Variants in ADGRB3 observed in about 807,000 individuals in gnomAD.
The protein encoded by ADGRB3 is adhesion G protein-coupled receptor B3.
Under a neutral mutation model 193.4 loss-of-function variants are expected in ADGRB3, and 37 were observed. The observed-to-expected ratio is 0.19, with a 90% CI of 0.15 to 0.25. ADGRB3 has a LOEUF of 0.25. ADGRB3 is among the 10% of genes least tolerant of loss of function. The pLI is 1.00. For synonymous variants in ADGRB3, 690 were observed against 644.2 expected (o/e 1.07, Z -1.08); for missense variants, 1,637 against 1,852.9 (o/e 0.88, Z 2.14).
At chr6:69,108,387 GTTTT>G (rs11322639) in intron 17 of ADGRB3, among the ~76,000 whole-genome samples, 1 of 137,944 alleles carries the variant, frequency 7.2e-6, no homozygotes, top group Non-Finnish European at 1.6e-5. Flanking sequence ...CAAGCTTCTT[GTTTT>G]TTTTTTTTTT....
chr6:69,048,437 G>A (rs952228764), intron 14 of ADGRB3, 103 bp downstream of exon 14: 1 of 1,152,610 alleles, frequency 8.7e-7, no homozygotes, highest in African/African-American at 1.6e-5. Context: ...TTTAGAAATA[G>A]TCTGTAATCA....
intron 3 of ADGRB3, among the ~76,000 whole-genome samples, chr6:68,839,520 A>G (rs909955507): frequency 2.0e-5 from 3 of 152,172 alleles, no homozygotes; most frequent in East Asian, 3.9e-4. Flanking sequence ...CAAACTTTAC[A>G]TAGATGTCAC....
chr6:69,314,388 A>G (rs1051442297), intron 20 of ADGRB3, among the ~76,000 whole-genome samples: 1 of 151,616 alleles, frequency 6.6e-6, no homozygotes, highest in Non-Finnish European at 1.5e-5. Flanking sequence ...TTGCTCCCTC[A>G]TTCATCAGTC....
chr6:69,339,111 AC>A, intron 25 of ADGRB3, 97 bp downstream of exon 25: 1 of 1,300,124 alleles, frequency 7.7e-7, no homozygotes, highest in Non-Finnish European at 1.1e-6. Context: ...CTAATACAAG[AC>A]CAGAGAGTAT....
chr6:68,709,225 A>G (rs190159798), intron 3 of ADGRB3, among the ~76,000 whole-genome samples: 1 of 152,218 alleles, frequency 6.6e-6, no homozygotes, highest in African/African-American at 2.4e-5. Flanking sequence ...TATTTCAGCT[A>G]TTTAATAGCG....
chr6:69,005,787 C>A (rs1177143769), intron 11 of ADGRB3, among the ~76,000 whole-genome samples: 1 of 152,152 alleles, frequency 6.6e-6, no homozygotes, highest in Non-Finnish European at 1.5e-5. Context: ...ACCTTGATAT[C>A]CTTGTCCTTC....
chr6:69,297,610 A>G (rs1033635602), intron 20 of ADGRB3, among the ~76,000 whole-genome samples: 1 of 151,986 alleles, frequency 6.6e-6, no homozygotes, highest in Non-Finnish European at 1.5e-5. Flanking sequence ...AGAGGAGAAC[A>G]AAAGATTTCC....
At chr6:69,339,045 A>C in intron 25 of ADGRB3, 31 bp downstream of exon 25, 1 of 1,609,134 alleles carries the variant, frequency 6.2e-7, no homozygotes, top group Non-Finnish European at 8.5e-7. Flanking sequence ...TCTTCTTGTT[A>C]CAAATCTTTT....
chr6:69,205,088 G>T (rs528277247), intron 17 of ADGRB3, among the ~76,000 whole-genome samples: 1 of 152,230 alleles, frequency 6.6e-6, no homozygotes, highest in Non-Finnish European at 1.5e-5. Context: ...TTAGCATATT[G>T]CAAACCCAGC....
At chr6:69,039,536 C>G (rs1582413512) in intron 13 of ADGRB3, among the ~76,000 whole-genome samples, 5 of 151,996 alleles carry the variant, frequency 3.3e-5, no homozygotes, top group Admixed American at 3.3e-4. Flanking sequence ...TCAACTCTGC[C>G]ATTGTAGCAT....
intron 15 of ADGRB3, among the ~76,000 whole-genome samples, chr6:69,061,085 A>T (rs1771734660): frequency 6.6e-6 from 1 of 151,084 alleles, no homozygotes; most frequent in Non-Finnish European, 1.5e-5. Flanking sequence ...AAAAAAAAAG[A>T]CTGTTAACCA....
At chr6:68,917,324 A>G (rs1766909287) in intron 3 of ADGRB3, among the ~76,000 whole-genome samples, 2 of 152,242 alleles carry the variant, frequency 1.3e-5, no homozygotes, top group African/African-American at 4.8e-5. Context: ...TCGTGTGGCC[A>G]CTCATTCCTT....
intron 20 of ADGRB3, among the ~76,000 whole-genome samples, chr6:69,320,825 A>ATGTGTGTGTG (rs5877204): frequency 0.014 from 2,068 of 146,344 alleles, 47 homozygotes; most frequent in African/African-American, 0.045. Flanking sequence ...GCATGTGTGT[A>ATGTGTGTGTG]TGTGTGTGTG....
At chr6:69,078,212 C>T (rs912236692) in intron 17 of ADGRB3, among the ~76,000 whole-genome samples, 1 of 151,908 alleles carries the variant, frequency 6.6e-6, no homozygotes, top group Non-Finnish European at 1.5e-5. Flanking sequence ...TATCAAGTTG[C>T]TGTTATTTTT....
intron 17 of ADGRB3, among the ~76,000 whole-genome samples, chr6:69,173,927 TG>T (rs1393622511): frequency 6.6e-6 from 1 of 152,220 alleles, no homozygotes; most frequent in East Asian, 1.9e-4. Flanking sequence ...AATGGTAATT[TG>T]TTCACCTCAA....
chr6:69,363,369 AAG>A (rs1266069450), intron 29 of ADGRB3, among the ~76,000 whole-genome samples: 3 of 152,150 alleles, frequency 2.0e-5, no homozygotes, highest in African/African-American at 7.2e-5. Context: ...AGATAGCAGA[AAG>A]AGAATATATA....
intron 3 of ADGRB3, among the ~76,000 whole-genome samples, chr6:68,816,886 T>C (rs1767640382): frequency 6.6e-6 from 1 of 152,116 alleles, no homozygotes; most frequent in African/African-American, 2.4e-5. Context: ...TTGCTGGGAA[T>C]CCACTAATCT....
At chr6:68,950,971 G>A (rs1767901271) in intron 6 of ADGRB3, among the ~76,000 whole-genome samples, 1 of 151,986 alleles carries the variant, frequency 6.6e-6, no homozygotes, top group African/African-American at 2.4e-5. Flanking sequence ...GGCCTATAGG[G>A]CCCTATAAGA....
chr6:69,113,035 G>A (rs1773412339), intron 17 of ADGRB3, among the ~76,000 whole-genome samples: 1 of 152,144 alleles, frequency 6.6e-6, no homozygotes, highest in African/African-American at 2.4e-5. Context: ...TGGGATTACA[G>A]GCGCGAGCCA....
Sources: gnomAD v4.1 joint callset for allele counts (sites outside exome capture counted in the v4.1 genomes callset) on GRCh38, gnomAD v4.1.1 for gene constraint, MANE v1.5 for transcripts, NCBI Gene and HGNC (gene_info 2026-07-23, HGNC 2026-07-21) for gene names.